PCDHA2: variants seen among roughly 807,000 people sequenced by gnomAD.
The protein encoded by PCDHA2 is protocadherin alpha-2.
Under a neutral mutation model 66.0 loss-of-function variants are expected in PCDHA2, and 58 were observed. The ratio of observed to expected loss-of-function variants is 0.88; its 90% CI spans 0.71 to 1.09. PCDHA2 has a LOEUF of 1.09. Ranked by LOEUF, PCDHA2 falls within the 50% of genes least tolerant of loss-of-function variation. The pLI is 0.00. For missense variants in PCDHA2, 1,267 were observed against 1,242.3 expected (o/e 1.02, Z -0.30); for synonymous variants, 634 against 554.0 (o/e 1.14, Z -2.03).
intron 3 of PCDHA2, among the ~76,000 whole-genome samples, chr5:141,006,902 A>T (rs1563704110): frequency 6.6e-6 from 1 of 152,218 alleles, no homozygotes; most frequent in Non-Finnish European, 1.5e-5. Context: ...AGATTTCTTC[A>T]GTTTGGGATG....
intron 1 of PCDHA2, among the ~76,000 whole-genome samples, chr5:140,945,084 G>A (rs2093736806): frequency 6.6e-6 from 1 of 151,822 alleles, no homozygotes; most frequent in Admixed American, 6.6e-5. Context: ...AACACTCTTG[G>A]AACTAATAAA....
At position 140,976,923 on chromosome 5, in the gene PCDHA2, C is replaced by T. The variant is rs2096737530; in HGVS notation, c.2389-2026C>T. Among the ~76,000 whole-genome samples the T allele has an allele frequency of 2.0e-5, 3 of 152,236 alleles. No individual in the cohort carries two copies. The South Asian group carries it at 6.2e-4, about 32-fold the overall frequency. On this transcript the variant is annotated intron_variant, in intron 1 of 3. Transcript: ENST00000526136. The stretch of plus-strand genomic sequence containing the variant: ...ATGTAATAAAGTGCAAAATCTAGTA[C>T]TGTGTAGCTACTTAAAACATATTAT...
At chr5:140,807,658 C>A in intron 1 of PCDHA2, 2 of 1,614,204 alleles carry the variant, frequency 1.2e-6, no homozygotes, top group Non-Finnish European at 1.7e-6. Context: ...TAGAGGGCGC[C>A]TCGGATGCAG....
chr5:140,827,905 C>T, intron 1 of PCDHA2: 1 of 798,712 alleles, frequency 1.3e-6, no homozygotes, highest in Non-Finnish European at 2.0e-6. Flanking sequence ...TTTGGAGCCG[C>T]ATGATGTCGC....
At chr5:140,876,556 G>A (rs369915148) in intron 1 of PCDHA2, 10 of 1,614,204 alleles carry the variant, frequency 6.2e-6, no homozygotes, top group Non-Finnish European at 8.5e-6. Flanking sequence ...TGTGCAAGAG[G>A]ATGCTCAGGT....
intron 1 of PCDHA2, among the ~76,000 whole-genome samples, chr5:140,935,509 C>T (rs2090411551): frequency 6.6e-6 from 1 of 152,080 alleles, no homozygotes; most frequent in Admixed American, 6.6e-5. Context: ...TTACAAATGC[C>T]CAGTAGGCAT....
chr5:141,000,924 G>C (rs375816680), intron 3 of PCDHA2, among the ~76,000 whole-genome samples: 97 of 152,046 alleles, frequency 6.4e-4, no homozygotes, highest in African/African-American at 2.2e-3. Context: ...AAAAAATCCT[G>C]TGTGATTTAG....
rs1013599044 is a variant in PCDHA2, at chr5:140,900,058, C to T, written c.2389-78891C>T. ...TTCCTGGGCTCAAGTGATCCTTTAACCTCAGCCTCCAAAAGTGCTGCAGTT... is the reference window on the plus strand; with the variant it reads ...TTCCTGGGCTCAAGTGATCCTTTAATCTCAGCCTCCAAAAGTGCTGCAGTT... On this transcript the variant is annotated intron_variant, in intron 1 of 3. Coordinates refer to ENST00000526136, the MANE Select transcript of PCDHA2 (RefSeq NM_018905.3). Among the ~76,000 whole-genome samples the T allele has an allele frequency of 2.0e-5, 3 of 152,160 alleles. 1 individual carries two copies. Among genetic ancestry groups the T allele is most frequent in the Non-Finnish European group, 1.5e-5 (1 of 68,028 alleles).
intron 1 of PCDHA2, among the ~76,000 whole-genome samples, chr5:140,839,319 G>A (rs1776149332): frequency 6.6e-6 from 1 of 151,778 alleles, no homozygotes; most frequent in Admixed American, 6.6e-5. Context: ...ATTTATATTG[G>A]GAAATACCTG....
At position 140,836,981 on chromosome 5, in the gene PCDHA2, G is replaced by A. The variant is rs183710042; in HGVS notation, c.2388+39629G>A. ...TGTTGGCTACTCTCCATTTTTGGAG[G>A]AGGACTTTGCTAACTGGAGCAATGG... On this transcript the variant is annotated intron_variant, in intron 1 of 3. Coordinates refer to ENST00000526136, the MANE Select transcript of PCDHA2 (RefSeq NM_018905.3). 6.9e-5 allele frequency: 25 copies of A among 364,912 alleles called. 1 individual carries two copies. The highest frequency in any genetic ancestry group is 8.2e-5 in the Non-Finnish European group (17 of 207,076). The allele number at this position is 364,912 out of a possible 1,614,324, so 22.6% of individuals were successfully genotyped here.
intron 1 of PCDHA2, chr5:140,841,073 G>A: frequency 2.0e-6 from 1 of 498,500 alleles, no homozygotes; most frequent in East Asian, 3.4e-5. Context: ...TAAAGAAATA[G>A]AAAGTGCATA....
At chr5:140,854,796 A>G (rs1379187736) in intron 1 of PCDHA2, 2 of 149,770 alleles carry the variant, frequency 1.3e-5, no homozygotes, top group African/African-American at 4.9e-5. Flanking sequence ...TTGAGAGAGA[A>G]AAAAATATTT....
chr5:140,801,611 G>T lies in PCDHA2; in HGVS notation c.2388+4259G>T, dbSNP rs146287685. The stretch of plus-strand genomic sequence containing the variant: ...CGCCAGTTTTTCCAATGGCTGTAAA[G>T]AATCTGTTTATTTCCGAATCCCGAC... On this transcript the variant is annotated intron_variant, in intron 1 of 3. Coordinates refer to ENST00000526136, the MANE Select transcript of PCDHA2 (RefSeq NM_018905.3). The T allele has an allele frequency of 9.9e-6, 16 of 1,614,044 alleles. No homozygotes were observed. The African/African-American group carries it at 2.1e-4, about 22-fold the overall frequency.
At chr5:141,006,951 T>TA (rs1428990680) in intron 3 of PCDHA2, among the ~76,000 whole-genome samples, 1 of 152,164 alleles carries the variant, frequency 6.6e-6, no homozygotes, top group Non-Finnish European at 1.5e-5. Context: ...GATAGGCAGT[T>TA]ATACATGAGA....
intron 1 of PCDHA2, chr5:140,827,925 T>TG (rs1769455571): frequency 1.0e-6 from 1 of 988,318 alleles, no homozygotes; most frequent in African/African-American, 1.6e-5. Context: ...CTGTCTACCA[T>TG]GAAGTTATAG....
chr5:140,904,195 C>T (rs1554191353), intron 1 of PCDHA2, among the ~76,000 whole-genome samples: 1 of 151,930 alleles, frequency 6.6e-6, no homozygotes, highest in Admixed American at 6.6e-5. Context: ...CCCACCCTTT[C>T]CCCCTAAGTC....
At chr5:140,968,909 G>A (rs782304408) in intron 1 of PCDHA2, 7 of 1,614,172 alleles carry the variant, frequency 4.3e-6, no homozygotes, top group Non-Finnish European at 5.1e-6. Context: ...ATTAAGCACA[G>A]TGTCTTTTAT....
intron 1 of PCDHA2, chr5:140,807,459 A>G (rs1554124027): frequency 6.2e-7 from 1 of 1,608,048 alleles, no homozygotes; most frequent in Admixed American, 1.7e-5. Flanking sequence ...TCTCGGATCG[A>G]CCGGGAGGAG....
chr5:140,821,273 T>C (rs1562258687), intron 1 of PCDHA2, among the ~76,000 whole-genome samples: 1 of 152,174 alleles, frequency 6.6e-6, no homozygotes, highest in Non-Finnish European at 1.5e-5. Flanking sequence ...TTTTATCAGT[T>C]TGGAAATATA....
Sources: allele counts gnomAD v4.1 joint callset (sites outside exome capture counted in the v4.1 genomes callset), GRCh38; gene constraint gnomAD v4.1.1; transcripts MANE v1.5; gene names NCBI Gene and HGNC (gene_info 2026-07-23, HGNC 2026-07-21).